PHKB: variants seen among roughly 807,000 people sequenced by gnomAD.
PHKB encodes the protein phosphorylase kinase regulatory subunit beta.
Under a neutral mutation model 152.1 loss-of-function variants are expected in PHKB, and 122 were observed. The ratio of observed to expected loss-of-function variants is 0.80; its 90% CI spans 0.69 to 0.93. PHKB has a LOEUF of 0.93. Ranked by LOEUF, PHKB falls within the 40% of genes least tolerant of loss-of-function variation. The pLI is 0.00. For synonymous variants in PHKB, 436 were observed against 464.9 expected (o/e 0.94, Z 0.80); for missense variants, 1,304 against 1,328.4 (o/e 0.98, Z 0.29).
chr16:47,552,800 AACACAC>A lies in PHKB; in HGVS notation c.710+5279_710+5284del, dbSNP rs61186489. Among the ~76,000 whole-genome samples the A allele has an allele frequency of 1.2e-4, 17 of 143,494 alleles. No homozygotes were observed. The South Asian group carries it at 1.6e-3, about 13-fold the overall frequency. The allele number at this position is 143,494 out of a possible 152,430, so 94.1% of individuals were successfully genotyped here. A position where few individuals can be genotyped will look rare whatever the true frequency, so the allele number is the denominator to read the frequency against. On this transcript the variant is annotated intron_variant, in intron 7 of 30. Coordinates refer to ENST00000323584, the MANE Select transcript of PHKB (RefSeq NM_000293.3). ...TCACTGTGACAAAGACCCCATCTCA[AACACAC>A]ACACACACACACACACACACACACA...
chr16:47,564,119 A>G (rs1971524198), intron 7 of PHKB, among the ~76,000 whole-genome samples: 1 of 150,186 alleles, frequency 6.7e-6, no homozygotes, highest in African/African-American at 2.5e-5. Flanking sequence ...ATAATTTTGA[A>G]TTATGCTGTG....
At chr16:47,530,825 A>C (rs1970849867) in intron 6 of PHKB, among the ~76,000 whole-genome samples, 2 of 152,248 alleles carry the variant, frequency 1.3e-5, no homozygotes, top group African/African-American at 4.8e-5. Context: ...ATTAGCATAA[A>C]TAATGTCAAT....
chr16:47,532,597 G>T (rs1209690570), intron 6 of PHKB, among the ~76,000 whole-genome samples: 1 of 152,228 alleles, frequency 6.6e-6, no homozygotes, highest in Admixed American at 6.5e-5. Flanking sequence ...AGCTCTAGGT[G>T]TTGGCATGGG....
chr16:47,537,474 C>T (rs1288330166), intron 6 of PHKB, among the ~76,000 whole-genome samples: 1 of 152,208 alleles, frequency 6.6e-6, no homozygotes, highest in Non-Finnish European at 1.5e-5. Flanking sequence ...CTGTGAATCT[C>T]CTGCTTTTGT....
At chr16:47,493,101 C>T (rs1014489425) in intron 1 of PHKB, among the ~76,000 whole-genome samples, 8 of 152,290 alleles carry the variant, frequency 5.3e-5, no homozygotes, top group Middle Eastern at 3.4e-3. Flanking sequence ...GCAAACAGTG[C>T]GCACTTCCTG....
In PHKB at chr16:47,701,291, C is replaced by G. The variant is rs1168685644; in HGVS notation, c.*1925C>G. On this transcript the variant is annotated 3_prime_UTR_variant, in exon 31 of 31. Coordinates refer to ENST00000323584, the MANE Select transcript of PHKB (RefSeq NM_000293.3). The stretch of plus-strand genomic sequence containing the variant: ...TTTTTAAAAAATCTGATTAGCTGAG[C>G]AAAGTTACCAGAAAACTGCTATCCT... 2.0e-5 allele frequency: 3 copies of G among 152,130 alleles called. No homozygotes were observed. The highest frequency in any genetic ancestry group is 2.0e-4 in the Admixed American group (3 of 15,264). The allele number at this position is 152,130 out of a possible 1,614,324, so 9.4% of individuals were successfully genotyped here. A position where few individuals can be genotyped will look rare whatever the true frequency, so the allele number is the denominator to read the frequency against.
intron 26 of PHKB, among the ~76,000 whole-genome samples, chr16:47,670,635 G>A (rs1179625803): frequency 6.6e-6 from 1 of 151,922 alleles, no homozygotes. Flanking sequence ...GATTACAAGC[G>A]TGCGCCACCA....
intron 1 of PHKB, among the ~76,000 whole-genome samples, chr16:47,494,886 G>A (rs902554438): frequency 3.3e-5 from 5 of 152,014 alleles, no homozygotes; most frequent in African/African-American, 1.2e-4. Flanking sequence ...TAGATTTGTG[G>A]TATTGTTTAC....
At chr16:47,679,532 A>G (rs1398723547) in intron 26 of PHKB, among the ~76,000 whole-genome samples, 2 of 152,128 alleles carry the variant, frequency 1.3e-5, no homozygotes, top group Non-Finnish European at 2.9e-5. Flanking sequence ...CTTTGAAGCA[A>G]TTGTGAATGG....
At chr16:47,633,426 A>G (rs930001857) in intron 14 of PHKB, among the ~76,000 whole-genome samples, 1 of 152,206 alleles carries the variant, frequency 6.6e-6, no homozygotes, top group Non-Finnish European at 1.5e-5. Flanking sequence ...GGGCCCCTGT[A>G]GTTTCACAGA....
At chr16:47,540,043 G>A (rs1971025268) in intron 6 of PHKB, among the ~76,000 whole-genome samples, 1 of 152,166 alleles carries the variant, frequency 6.6e-6, no homozygotes, top group Non-Finnish European at 1.5e-5. Context: ...CCTATAAACG[G>A]ACGTGCAAGT....
rs746250673 is a variant in PHKB, at chr16:47,693,439, G to A, written c.2827G>A (p.Asp943Asn). 4 of 1,613,936 alleles carry A rather than the reference G, an allele frequency of 2.5e-6. No homozygotes were observed. In the South Asian group the frequency reaches 4.4e-5, roughly 18 times the overall value. The change falls in exon 28 of 31, where the codon GAC becomes AAC. Residue 943 changes from aspartate to asparagine, a missense_variant. Physicochemically the swap from Asp to Asn is conservative, Grantham distance 23 (BLOSUM62 1). Transcript: ENST00000323584. ...SLNRTPTGFY[D>N]RVWQILERTP... ...GAATAGAACTCCCACCGGGTTCTAT[G>A]ACCGAGTGTGGCAGATTCTGGAGCG...
intron 14 of PHKB, among the ~76,000 whole-genome samples, chr16:47,615,616 C>A (rs1972501100): frequency 6.6e-6 from 1 of 152,256 alleles, no homozygotes; most frequent in South Asian, 2.1e-4. Flanking sequence ...CCCAGCCTAG[C>A]ATATGTGTAG....
At chr16:47,552,112 C>T (rs965488049) in intron 7 of PHKB, among the ~76,000 whole-genome samples, 1 of 152,122 alleles carries the variant, frequency 6.6e-6, no homozygotes, top group African/African-American at 2.4e-5. Flanking sequence ...TGTGTCTTTG[C>T]ACATGAGATG....
Position 47,661,800 on chromosome 16 carries a change from G to A in PHKB, c.2278G>A (p.Gly760Ser), listed in dbSNP as rs1388179531. Reference sequence around the variant, plus strand: ...AGGCCCCAACTTCATCACAAAGGAAGGTAAGCATGCATGTCTAGGAGAACA... The same window carrying A: ...AGGCCCCAACTTCATCACAAAGGAAAGTAAGCATGCATGTCTAGGAGAACA... ...REGPNFITKE[G>S]TVSDHIERVY... The change falls in exon 23 of 31, where the codon GGT becomes AGT. Residue 760 changes from glycine to serine, a missense_variant and splice_region_variant. Transcript: ENST00000323584. The A allele has an allele frequency of 3.1e-6, 5 of 1,602,946 alleles. No homozygotes were observed. The highest frequency in any genetic ancestry group is 4.3e-6 in the Non-Finnish European group (5 of 1,169,904).
intron 20 of PHKB, among the ~76,000 whole-genome samples, chr16:47,655,850 A>T (rs745859443): frequency 2.6e-5 from 4 of 152,172 alleles, no homozygotes; most frequent in Admixed American, 6.5e-5. Context: ...TCCCATTCCT[A>T]GTTCACTACT....
At chr16:47,548,783 T>A (rs561449338) in intron 7 of PHKB, among the ~76,000 whole-genome samples, 46 of 152,248 alleles carry the variant, frequency 3.0e-4, no homozygotes, top group Non-Finnish European at 5.6e-4. Flanking sequence ...TATGTGACCT[T>A]TTTATGATTC....
chr16:47,490,959 A>G (rs1270251675), intron 1 of PHKB, among the ~76,000 whole-genome samples: 1 of 152,220 alleles, frequency 6.6e-6, no homozygotes, highest in East Asian at 1.9e-4. Flanking sequence ...ATTCAAAACA[A>G]TTCTTTAACC....
chr16:47,675,727 G>A (rs1011318652), intron 26 of PHKB: 3 of 152,156 alleles, frequency 2.0e-5, no homozygotes, highest in African/African-American at 7.2e-5. Context: ...ATCCCATTGG[G>A]ATGATCTCTT....
Sources: allele counts gnomAD v4.1 joint callset (sites outside exome capture counted in the v4.1 genomes callset), GRCh38; gene constraint gnomAD v4.1.1; transcripts MANE v1.5; gene names NCBI Gene and HGNC (gene_info 2026-07-23, HGNC 2026-07-21).